GALNT13: variants seen among roughly 807,000 people sequenced by gnomAD.
The protein encoded by GALNT13 is polypeptide N-acetylgalactosaminyltransferase 13.
A neutral mutation model predicts 64.2 loss-of-function variants in GALNT13; 28 were observed. The observed-to-expected ratio is 0.44, with a 90% CI of 0.32 to 0.60. The LOEUF is 0.60. Ranked by LOEUF, GALNT13 falls within the 20% of genes least tolerant of loss-of-function variation. GALNT13 has a pLI of 0.05. For missense variants in GALNT13, 577 were observed against 669.8 expected (o/e 0.86, Z 1.53); for synonymous variants, 214 against 224.6 (o/e 0.95, Z 0.42).
intron 3 of GALNT13, among the ~76,000 whole-genome samples, chr2:154,139,927 AT>A (rs1398028602): frequency 6.6e-6 from 1 of 152,156 alleles, no homozygotes; most frequent in Non-Finnish European, 1.5e-5. Flanking sequence ...GGCAGTAGAT[AT>A]GTGAAATATC....
chr2:153,344,992 A>T, the GALNT13 span, among the ~76,000 whole-genome samples: 1 of 152,236 alleles, frequency 6.6e-6, no homozygotes, highest in East Asian at 1.9e-4. Context: ...AGAACACAGA[A>T]ATATAACAAA....
chr2:154,385,380 T>TATTTCTGGG (rs1559126735), intron 9 of GALNT13, among the ~76,000 whole-genome samples: 17 of 151,940 alleles, frequency 1.1e-4, no homozygotes, highest in Non-Finnish European at 2.1e-4. Flanking sequence ...GGGATGATAA[T>TATTTCTGGG]TACCATGTTC....
At chr2:153,847,037 A>G in the GALNT13 span, among the ~76,000 whole-genome samples, 17 of 152,156 alleles carry the variant, frequency 1.1e-4, no homozygotes, top group Admixed American at 9.8e-4. Context: ...AGTTGAAAGT[A>G]AAAGGATGGC....
In GALNT13 at chr2:154,140,461, T is replaced by C. The variant is rs1683196707; in HGVS notation, c.267T>C (p.Asp89=). 1 of 1,612,536 alleles carries C rather than the reference T, an allele frequency of 6.2e-7. No homozygotes were observed. The part of the protein sequence containing the change: ...KINQFNLMAS[D]LIALNRSLPD... ...ATCAGTTTAACCTTATGGCCAGTGA[T>C]TTGATTGCCCTTAATAGAAGTCTGC... The change falls in exon 4 of 13, where the codon GAT becomes GAC. Residue 89 remains aspartate, a synonymous_variant. Transcript: ENST00000392825.
At chr2:154,192,628 T>G (rs1436137196) in intron 4 of GALNT13, among the ~76,000 whole-genome samples, 1 of 152,228 alleles carries the variant, frequency 6.6e-6, no homozygotes, top group Non-Finnish European at 1.5e-5. Context: ...TTTTTTATCT[T>G]TGTTAGCCAG....
At chr2:153,497,057 G>A in the GALNT13 span, among the ~76,000 whole-genome samples, 1 of 150,468 alleles carries the variant, frequency 6.6e-6, no homozygotes, top group East Asian at 1.9e-4. Context: ...AGACATAATA[G>A]GTACTGCATT....
At chr2:154,347,920 C>T (rs1574132065) in intron 9 of GALNT13, among the ~76,000 whole-genome samples, 1 of 152,134 alleles carries the variant, frequency 6.6e-6, no homozygotes, top group South Asian at 2.1e-4. Context: ...TATGCTCTTC[C>T]CTGGACTGTG....
chr2:153,322,089 T>C, the GALNT13 span, among the ~76,000 whole-genome samples: 1 of 152,002 alleles, frequency 6.6e-6, no homozygotes, highest in Non-Finnish European at 1.5e-5. Context: ...CTTTGGTACA[T>C]TGAGTGATGC....
chr2:153,646,203 C>T, the GALNT13 span, among the ~76,000 whole-genome samples: 2 of 151,962 alleles, frequency 1.3e-5, no homozygotes, highest in Non-Finnish European at 2.9e-5. Context: ...AGCTGACTGA[C>T]TGATCACAAA....
chr2:154,140,373 TG>T lies in GALNT13; in HGVS notation c.182del (p.Gly61GlufsTer5). The T allele has an allele frequency of 6.2e-7, 1 of 1,613,134 alleles. No homozygotes were observed. The highest frequency in any genetic ancestry group is 8.5e-7 in the Non-Finnish European group (1 of 1,179,326). On this transcript the variant is annotated frameshift_variant, in exon 4 of 13. Transcript: ENST00000392825. LOFTEE classifies it high-confidence loss of function. ...AGAAACCAAGAAGGGCCAGGAGAAA[TG>T]GGAAAAGCTGTGTTGATTCCTAAAG... ...ISRNQEGPGE[M>X]GKAVLIPKDD...
chr2:154,430,284 T>C (rs984766166), intron 11 of GALNT13, among the ~76,000 whole-genome samples: 5 of 152,146 alleles, frequency 3.3e-5, no homozygotes, highest in African/African-American at 1.2e-4. Context: ...TTGTGATTCA[T>C]GGGAGGAGGT....
At chr2:153,803,488 C>G in the GALNT13 span, among the ~76,000 whole-genome samples, 12 of 152,010 alleles carry the variant, frequency 7.9e-5, no homozygotes, top group South Asian at 1.7e-3. Context: ...GTCAGGAGAT[C>G]GAGACCATCC....
chr2:153,227,717 A>G, the GALNT13 span, among the ~76,000 whole-genome samples: 1 of 152,220 alleles, frequency 6.6e-6, no homozygotes, highest in South Asian at 2.1e-4. Flanking sequence ...GGAATTCAGT[A>G]GGATTTAAAG....
chr2:154,436,459 G>A (rs1700978913), intron 11 of GALNT13: 1 of 152,130 alleles, frequency 6.6e-6, no homozygotes, highest in African/African-American at 2.4e-5. Context: ...AGGCTGAAAT[G>A]GATGTTATGA....
chr2:153,244,252 A>G, the GALNT13 span, among the ~76,000 whole-genome samples: 1 of 152,142 alleles, frequency 6.6e-6, no homozygotes, highest in South Asian at 2.1e-4. Flanking sequence ...GTTCAGATGA[A>G]TGACTTATGA....
chr2:154,346,452 G>A (rs1182127908), intron 9 of GALNT13, among the ~76,000 whole-genome samples: 1 of 152,038 alleles, frequency 6.6e-6, no homozygotes, highest in Non-Finnish European at 1.5e-5. Context: ...GTGGGAGGGA[G>A]CCAGTGGGAG....
chr2:154,340,733 A>T (rs1695714406), intron 9 of GALNT13, among the ~76,000 whole-genome samples: 1 of 152,152 alleles, frequency 6.6e-6, no homozygotes. Flanking sequence ...GTTATTGCCT[A>T]ACCTAAAAAG....
In GALNT13 at chr2:154,409,084, TA is replaced by T; in HGVS notation, c.1395+5del. On this transcript the variant is annotated splice_donor_region_variant and intron_variant, in intron 11 of 12. Coordinates refer to ENST00000392825, the MANE Select transcript of GALNT13 (RefSeq NM_052917.4). The stretch of plus-strand genomic sequence containing the variant: ...TGTCATGGTATGGGAGGAAATCAGG[TA>T]AACTCTCCCTTTTTATCAGCTTCAT... 1 of 1,567,462 alleles carries T rather than the reference TA, an allele frequency of 6.4e-7. No individual in the cohort carries two copies. Among genetic ancestry groups the T allele is most frequent in the East Asian group, 2.2e-5 (1 of 44,488 alleles).
the GALNT13 span, among the ~76,000 whole-genome samples, chr2:153,659,215 T>G: frequency 2.0e-5 from 3 of 152,102 alleles, no homozygotes; most frequent in African/African-American, 7.2e-5. Context: ...ATATAGACAT[T>G]TTTTGGGGCC....
Sources: gnomAD v4.1 joint callset for allele counts (sites outside exome capture counted in the v4.1 genomes callset) on GRCh38, gnomAD v4.1.1 for gene constraint, MANE v1.5 for transcripts, NCBI Gene and HGNC (gene_info 2026-07-23, HGNC 2026-07-21) for gene names.